Variants in RBFOX1 observed in about 807,000 individuals in gnomAD.
RBFOX1 encodes the protein RNA binding protein fox-1 homolog 1.
A neutral mutation model predicts 57.7 loss-of-function variants in RBFOX1; 8 were observed. The ratio of observed to expected loss-of-function variants is 0.14; its 90% CI spans 0.08 to 0.25. RBFOX1 has a LOEUF of 0.25. Among genes scored for constraint, RBFOX1 ranks in the 10% least tolerant of loss-of-function variants. The probability of loss-of-function intolerance (pLI) is 1.00; values close to 1 mark genes in which losing one functional copy is unlikely to be tolerated. For synonymous variants in RBFOX1, 326 were observed against 222.4 expected (o/e 1.47, Z -4.15); for missense variants, 611 against 548.5 (o/e 1.11, Z -1.14).
At position 6,074,209 on chromosome 16, in the gene RBFOX1, A is replaced by G. The variant is rs565305219; in HGVS notation, c.-127+54217A>G. Among the ~76,000 whole-genome samples, 379 of 152,160 alleles carry G rather than the reference A, an allele frequency of 2.5e-3. 3 individuals carry two copies. Among genetic ancestry groups the G allele is most frequent in the African/African-American group, 8.8e-3 (365 of 41,484 alleles). ...GTGATCCGCCCGCCTCAGCCTACCA[A>G]AGTGCTGGGATTACAGGCATGAGCC... On this transcript the variant is annotated intron_variant, in intron 1 of 15. Coordinates refer to ENST00000550418, the MANE Select transcript of RBFOX1 (RefSeq NM_018723.4).
intron 1 of RBFOX1, among the ~76,000 whole-genome samples, chr16:5,351,259 T>C (rs1218569513): frequency 6.6e-6 from 1 of 152,246 alleles, no homozygotes; most frequent in East Asian, 1.9e-4. Context: ...ATAAATAATA[T>C]GTTTGTCATC....
chr16:6,612,849 C>CAAAAAAA (rs539098192), intron 2 of RBFOX1, among the ~76,000 whole-genome samples: 90 of 103,052 alleles, frequency 8.7e-4, no homozygotes, highest in African/African-American at 2.6e-3. Flanking sequence ...GACTCTCTCT[C>CAAAAAAA]AAAAAAAAAA....
intron 1 of RBFOX1, among the ~76,000 whole-genome samples, chr16:5,387,478 C>T (rs560813898): frequency 2.6e-5 from 4 of 152,214 alleles, no homozygotes; most frequent in Non-Finnish European, 5.9e-5. Flanking sequence ...AGTGTGGCTA[C>T]TGCTGCTCCA....
intron 1 of RBFOX1, among the ~76,000 whole-genome samples, chr16:6,058,870 A>ATCCG (rs1402056428): frequency 6.6e-6 from 1 of 150,764 alleles, no homozygotes; most frequent in African/African-American, 2.5e-5. Flanking sequence ...CCATCCATCC[A>ATCCG]TCCATCCATC....
At chr16:5,878,409 G>C (rs1343469341) in intron 4 of RBFOX1, among the ~76,000 whole-genome samples, 1 of 152,154 alleles carries the variant, frequency 6.6e-6, no homozygotes. Context: ...GAAAACCAAG[G>C]CTCAGAAGAG....
intron 4 of RBFOX1, among the ~76,000 whole-genome samples, chr16:5,964,715 CTT>C (rs2059811061): frequency 6.6e-6 from 1 of 151,672 alleles, no homozygotes; most frequent in South Asian, 2.1e-4. Flanking sequence ...AACATATACA[CTT>C]ATATATACAC....
intron 1 of RBFOX1, among the ~76,000 whole-genome samples, chr16:6,025,301 C>T (rs2095168503): frequency 6.6e-6 from 1 of 152,160 alleles, no homozygotes; most frequent in South Asian, 2.1e-4. Context: ...AACTCGATTC[C>T]CCACCACCAC....
intron 3 of RBFOX1, among the ~76,000 whole-genome samples, chr16:5,857,896 G>A (rs2151880798): frequency 6.6e-6 from 1 of 152,216 alleles, no homozygotes; most frequent in Non-Finnish European, 1.5e-5. Context: ...GCAGTCAGCT[G>A]TGTTTGCACT....
intron 2 of RBFOX1, among the ~76,000 whole-genome samples, chr16:6,601,409 G>A (rs1478620756): frequency 2.6e-5 from 4 of 152,186 alleles, no homozygotes; most frequent in East Asian, 3.9e-4. Flanking sequence ...TGGTATTGTG[G>A]CCAGACTCCG....
intron 4 of RBFOX1, among the ~76,000 whole-genome samples, chr16:7,141,593 G>A (rs1385965215): frequency 6.6e-6 from 1 of 152,162 alleles, no homozygotes. Flanking sequence ...CCCTGTACCA[G>A]ATGAAAGATT....
chr16:6,620,412 C>G (rs1048068732), intron 2 of RBFOX1, among the ~76,000 whole-genome samples: 1 of 152,064 alleles, frequency 6.6e-6, no homozygotes, highest in Non-Finnish European at 1.5e-5. Flanking sequence ...CTCAAGGTAA[C>G]AAGTTAACAA....
chr16:5,280,048 A>G (rs2063234768), intron 1 of RBFOX1, among the ~76,000 whole-genome samples: 1 of 152,156 alleles, frequency 6.6e-6, no homozygotes. Flanking sequence ...AATTTTTCTC[A>G]GTGAGTAGGA....
chr16:5,922,644 C>A (rs1426206356), intron 4 of RBFOX1, among the ~76,000 whole-genome samples: 1 of 152,186 alleles, frequency 6.6e-6, no homozygotes, highest in Non-Finnish European at 1.5e-5. Context: ...CATTTAACAT[C>A]CCCACCATCA....
intron 13 of RBFOX1, among the ~76,000 whole-genome samples, chr16:7,665,746 C>T (rs1215428885): frequency 1.3e-5 from 2 of 151,904 alleles, no homozygotes; most frequent in African/African-American, 4.8e-5. Flanking sequence ...GGAGATATTC[C>T]CTAAATCACA....
At chr16:5,989,931 A>G (rs1361277315) in intron 4 of RBFOX1, among the ~76,000 whole-genome samples, 2 of 151,066 alleles carry the variant, frequency 1.3e-5, no homozygotes, top group African/African-American at 4.9e-5. Flanking sequence ...CTGAGGCTAA[A>G]TCCAGAGGAA....
At chr16:6,899,050 G>T (rs1330200233) in intron 3 of RBFOX1, among the ~76,000 whole-genome samples, 1 of 151,304 alleles carries the variant, frequency 6.6e-6, no homozygotes, top group South Asian at 2.1e-4. Context: ...GTATGCATGT[G>T]TATGTATAAT....
At chr16:7,431,029 T>G (rs2098674323) in intron 4 of RBFOX1, among the ~76,000 whole-genome samples, 1 of 152,180 alleles carries the variant, frequency 6.6e-6, no homozygotes, top group Non-Finnish European at 1.5e-5. Flanking sequence ...AACAGGAGTC[T>G]AAGCCCACCC....
At chr16:7,494,910 A>G (rs1319138022) in intron 4 of RBFOX1, among the ~76,000 whole-genome samples, 1 of 142,022 alleles carries the variant, frequency 7.0e-6, no homozygotes, top group South Asian at 2.2e-4. Flanking sequence ...GGATTGTTAC[A>G]TGGGTATATT....
At chr16:6,329,202 C>T (rs2082719791) in intron 2 of RBFOX1, among the ~76,000 whole-genome samples, 1 of 152,198 alleles carries the variant, frequency 6.6e-6, no homozygotes, top group Non-Finnish European at 1.5e-5. Context: ...TGTTCCTAGT[C>T]ATTCTTAAGA....
Sources: gnomAD v4.1 joint callset for allele counts (sites outside exome capture counted in the v4.1 genomes callset) on GRCh38, gnomAD v4.1.1 for gene constraint, MANE v1.5 for transcripts, NCBI Gene and HGNC (gene_info 2026-07-23, HGNC 2026-07-21) for gene names.